STOX2: variants seen among roughly 807,000 people sequenced by gnomAD.
STOX2 encodes the protein storkhead box 2.
In STOX2, 28 loss-of-function variants were observed where a neutral mutation model predicts 60.9. The observed-to-expected ratio is 0.46, with a 90% CI of 0.34 to 0.63. The LOEUF (loss-of-function observed/expected upper bound fraction) is 0.63, where lower values mean the gene tolerates loss of function less well. Ranked by LOEUF, STOX2 falls within the 30% of genes least tolerant of loss-of-function variation. The pLI is 0.01. For missense variants in STOX2, 1,024 were observed against 1,187.7 expected, an observed-to-expected ratio of 0.86 and a Z score of 2.03; for synonymous variants, 472 against 463.9, an observed-to-expected ratio of 1.02 and a Z score of -0.22.
intron 1 of STOX2, among the ~76,000 whole-genome samples, chr4:183,919,964 G>A (rs1257515630): frequency 6.6e-6 from 1 of 152,036 alleles, no homozygotes; most frequent in East Asian, 1.9e-4. Flanking sequence ...GTGTCACCTT[G>A]TTTAGTCCTC....
At chr4:183,908,547 C>A (rs1741683722) in intron 1 of STOX2, among the ~76,000 whole-genome samples, 1 of 151,354 alleles carries the variant, frequency 6.6e-6, no homozygotes, top group Non-Finnish European at 1.5e-5. Flanking sequence ...ATCGACAAAC[C>A]TGCAACACTC....
At chr4:183,882,001 C>G (rs949767673) in intron 1 of STOX2, among the ~76,000 whole-genome samples, 3 of 152,164 alleles carry the variant, frequency 2.0e-5, no homozygotes, top group Non-Finnish European at 4.4e-5. Flanking sequence ...AATGAGGACC[C>G]CAGCCAAGGC....
At chr4:183,850,056 C>T (rs530202659) in intron 1 of STOX2, among the ~76,000 whole-genome samples, 21 of 152,088 alleles carry the variant, frequency 1.4e-4, no homozygotes, top group African/African-American at 4.3e-4. Flanking sequence ...CTCCACCTCC[C>T]GGGTTCAAGC....
chr4:183,971,452 T>C (rs1230381480), intron 1 of STOX2, among the ~76,000 whole-genome samples: 1 of 152,188 alleles, frequency 6.6e-6, no homozygotes, highest in Admixed American at 6.5e-5. Context: ...ACAAAGCTCA[T>C]TAGTACCTCT....
At chr4:183,898,167 C>T (rs1465739023) in intron 1 of STOX2, among the ~76,000 whole-genome samples, 1 of 152,144 alleles carries the variant, frequency 6.6e-6, no homozygotes, top group Non-Finnish European at 1.5e-5. Context: ...CTTCCGCCCT[C>T]CCTCTCCTTC....
At chr4:183,942,293 T>TA (rs1742773018) in intron 1 of STOX2, among the ~76,000 whole-genome samples, 1 of 150,710 alleles carries the variant, frequency 6.6e-6, no homozygotes, top group Non-Finnish European at 1.5e-5. Context: ...TAAATTATCT[T>TA]ACACATTTGC....
chr4:183,935,132 G>A (rs1434924740), intron 1 of STOX2, among the ~76,000 whole-genome samples: 1 of 152,224 alleles, frequency 6.6e-6, no homozygotes, highest in Non-Finnish European at 1.5e-5. Context: ...ATGGAGTTCT[G>A]TTCTAAGTGC....
At chr4:183,876,577 C>T (rs773892509) in intron 1 of STOX2, among the ~76,000 whole-genome samples, 1 of 152,216 alleles carries the variant, frequency 6.6e-6, no homozygotes, top group Admixed American at 6.5e-5. Context: ...AGGTTGCCAG[C>T]GCCAGTGGTT....
chr4:184,001,568 G>C lies in STOX2; in HGVS notation c.319+91G>C, dbSNP rs767377547. 7 of 1,276,588 alleles carry C rather than the reference G, an allele frequency of 5.5e-6. No individual in the cohort carries two copies. Among genetic ancestry groups the C allele is most frequent in the Non-Finnish European group, 6.3e-6 (6 of 944,972 alleles). 79.1% of individuals were successfully genotyped at this position (1,276,588 alleles called of 1,614,324 possible). ...GGACTGTTCTGCCCATGTTTAAAGA[G>C]AATAGGAAAACATTCTTCCCCAAAA... is the stretch of plus-strand genomic sequence containing the variant. On this transcript the variant is annotated intron_variant, in intron 2 of 3. Coordinates refer to ENST00000308497, the MANE Select transcript of STOX2 (RefSeq NM_020225.3). This position sits in a 1 kb window ranked among gnomAD's most constrained non-coding sequence, Gnocchi z 4.2.
chr4:183,975,552 A>G (rs949920807), intron 1 of STOX2, among the ~76,000 whole-genome samples: 26 of 152,304 alleles, frequency 1.7e-4, no homozygotes, highest in African/African-American at 6.3e-4. Flanking sequence ...CTCTGTGCAC[A>G]TAAATTCAAC....
intron 1 of STOX2, among the ~76,000 whole-genome samples, chr4:183,976,960 G>A (rs1206946911): frequency 6.6e-6 from 1 of 152,188 alleles, no homozygotes; most frequent in Admixed American, 6.5e-5. Flanking sequence ...TACAGAAAAA[G>A]TTCCTAGAAT....
chr4:184,015,834 T>A (rs1734347430), intron 3 of STOX2: 1 of 152,202 alleles, frequency 6.6e-6, no homozygotes. Flanking sequence ...GCTTCTGGCT[T>A]CCTCAATCTC....
rs1221039445 is a variant in STOX2 at position 183,816,784 on chromosome 4, A to G, written c.364+18729A>G. 2.0e-5 allele frequency among the ~76,000 whole-genome samples: 3 copies of G among 152,260 alleles called. No individual in the cohort carries two copies. The East Asian group carries it at 5.8e-4, about 29-fold the overall frequency. ...TCCACAAAAGCTGTGAAAATTTTAT[A>G]TTAAATAATCCTGTAACTTGAAAAG... On this transcript the variant is annotated intron_variant, in intron 1 of 2. Transcript: ENST00000513034.
intron 3 of STOX2, chr4:184,015,267 C>T (rs928739622): frequency 1.3e-5 from 2 of 152,348 alleles, no homozygotes; most frequent in South Asian, 4.1e-4. Context: ...TCCTGACCCT[C>T]CTCTTCCTCC....
intron 1 of STOX2, among the ~76,000 whole-genome samples, chr4:183,802,280 A>G (rs1422032230): frequency 6.6e-6 from 1 of 152,268 alleles, no homozygotes; most frequent in Non-Finnish European, 1.5e-5. Flanking sequence ...ACACATGGGC[A>G]TCAAGATTTT....
intron 1 of STOX2, among the ~76,000 whole-genome samples, chr4:183,889,720 G>A (rs1372170454): frequency 1.3e-5 from 2 of 152,218 alleles, no homozygotes; most frequent in Admixed American, 6.5e-5. Flanking sequence ...GCTGGGGCAC[G>A]GCAGGCCTGA....
At chr4:183,962,358 A>G (rs1256694609) in intron 1 of STOX2, among the ~76,000 whole-genome samples, 1 of 152,108 alleles carries the variant, frequency 6.6e-6, no homozygotes, top group Non-Finnish European at 1.5e-5. Flanking sequence ...AATCTTTTAT[A>G]TTTAGGTGAT....
chr4:183,913,637 G>C (rs985676374), intron 1 of STOX2, among the ~76,000 whole-genome samples: 2 of 152,172 alleles, frequency 1.3e-5, no homozygotes. Flanking sequence ...TGGGCATGGT[G>C]GCGCGTGCCT....
intron 1 of STOX2, among the ~76,000 whole-genome samples, chr4:183,831,974 T>TTTC (rs1264138950): frequency 3.3e-5 from 5 of 150,682 alleles, no homozygotes; most frequent in South Asian, 2.1e-4. Flanking sequence ...AGTTCATTCA[T>TTTC]TTCTTCTTCT....
Sources: gnomAD v4.1 joint callset for allele counts (sites outside exome capture counted in the v4.1 genomes callset) on GRCh38, gnomAD v4.1.1 for gene constraint, Gnocchi (gnomAD v3.1) non-coding constraint, MANE v1.5 for transcripts, NCBI Gene and HGNC (gene_info 2026-07-23, HGNC 2026-07-21) for gene names.